Variants in KDM1A observed in about 807,000 individuals in gnomAD.
KDM1A encodes lysine-specific histone demethylase 1A.
In KDM1A, 49 loss-of-function variants were observed where a neutral mutation model predicts 109.4. The ratio of observed to expected loss-of-function variants is 0.45; its 90% CI spans 0.36 to 0.57. The LOEUF is 0.57. Among genes scored for constraint, KDM1A ranks in the 20% least tolerant of loss-of-function variants. The pLI is 0.00. For synonymous variants in KDM1A, 380 were observed against 415.4 expected, an observed-to-expected ratio of 0.91 and a Z score of 1.04; for missense variants, 668 against 1,116.6, an observed-to-expected ratio of 0.60 and a Z score of 5.73.
At chr1:23,071,380 TA>T in intron 13 of KDM1A, 21 bp downstream of exon 13, 1 of 1,569,644 alleles carries the variant, frequency 6.4e-7, no homozygotes, top group Non-Finnish European at 8.6e-7. Flanking sequence ...CATACATGCC[TA>T]ACTGGTTTTA....
intron 3 of KDM1A, among the ~76,000 whole-genome samples, chr1:23,045,726 T>A (rs760789985): frequency 3.3e-5 from 5 of 152,112 alleles, no homozygotes; most frequent in Non-Finnish European, 7.4e-5. Flanking sequence ...CAATATCATA[T>A]ATTGCTGAAA....
intron 2 of KDM1A, among the ~76,000 whole-genome samples, chr1:23,043,563 C>T (rs1389168850): frequency 6.6e-6 from 1 of 152,190 alleles, no homozygotes; most frequent in Non-Finnish European, 1.5e-5. Context: ...AAAGATCACA[C>T]TCATTTTCCT....
chr1:23,051,587 G>A (rs1642672086), intron 4 of KDM1A, among the ~76,000 whole-genome samples: 1 of 151,988 alleles, frequency 6.6e-6, no homozygotes, highest in African/African-American at 2.4e-5. Flanking sequence ...TTAGTCATTT[G>A]TATTTCTTCT....
chr1:23,054,417 A>G (rs969870385), intron 5 of KDM1A, among the ~76,000 whole-genome samples: 10 of 152,120 alleles, frequency 6.6e-5, no homozygotes, highest in Non-Finnish European at 1.5e-4. Context: ...AATTAAATCA[A>G]TACAATTCCA....
At chr1:23,043,741 A>G (rs1642421997) in intron 2 of KDM1A, among the ~76,000 whole-genome samples, 1 of 152,244 alleles carries the variant, frequency 6.6e-6, no homozygotes, top group Admixed American at 6.5e-5. Context: ...AAATTTCTTA[A>G]CAAAGCTTAT....
At chr1:23,035,911 AAAAT>A (rs1043384866) in intron 2 of KDM1A, among the ~76,000 whole-genome samples, 1 of 152,174 alleles carries the variant, frequency 6.6e-6, no homozygotes, top group Non-Finnish European at 1.5e-5. Flanking sequence ...TAAAAGAAAA[AAAAT>A]AAGTGGTACT....
chr1:23,041,953 CAG>C lies in KDM1A; in HGVS notation c.518-2473_518-2472del, dbSNP rs1347240279. On this transcript the variant is annotated intron_variant, in intron 2 of 20. Transcript: ENST00000400181. ...TGGTTAACCTATTGAGTACGCAAGT[CAG>C]GGGTAAGAAATCCATCTTTTTTTGT... 6.6e-5 allele frequency among the ~76,000 whole-genome samples: 10 copies of C among 152,166 alleles called. No homozygotes were observed. In the East Asian group the frequency reaches 1.9e-3, roughly 29 times the overall value.
intron 3 of KDM1A, among the ~76,000 whole-genome samples, chr1:23,047,892 G>A (rs1642546734): frequency 6.8e-6 from 1 of 147,750 alleles, no homozygotes. Context: ...GGGAGACCCT[G>A]TCCTTCCCCC....
chr1:23,054,272 A>G (rs931404294), intron 5 of KDM1A, among the ~76,000 whole-genome samples: 8 of 152,124 alleles, frequency 5.3e-5, no homozygotes, highest in Admixed American at 3.3e-4. Context: ...AAAAATTTTA[A>G]ATTAGACAGA....
chr1:23,020,970 G>A (rs1165320913), intron 1 of KDM1A, among the ~76,000 whole-genome samples: 1 of 152,078 alleles, frequency 6.6e-6, no homozygotes, highest in Non-Finnish European at 1.5e-5. Context: ...CGGTCTAGTT[G>A]GAAAAAACAA....
chr1:23,071,966 T>A, intron 13 of KDM1A, among the ~76,000 whole-genome samples, 158 bp from the exon 14 acceptor site: 1 of 151,976 alleles, frequency 6.6e-6, no homozygotes, highest in East Asian at 1.9e-4. Context: ...AAAACAAAAA[T>A]CTCTCAGCTC....
intron 1 of KDM1A, among the ~76,000 whole-genome samples, chr1:23,027,549 A>G (rs113574385): frequency 3.2e-4 from 37 of 117,264 alleles, no homozygotes; most frequent in African/African-American, 1.2e-3. Flanking sequence ...CAGCCTCCTT[A>G]GTAGCTGGAA....
At position 23,044,753 on chromosome 1, in the gene KDM1A, A is replaced by G. The variant is rs967298978; in HGVS notation, c.577+267A>G. Among the ~76,000 whole-genome samples, 4 of 152,152 alleles carry G rather than the reference A, an allele frequency of 2.6e-5. No individual in the cohort carries two copies. In the South Asian group the frequency reaches 6.2e-4, roughly 24 times the overall value. On this transcript the variant is annotated intron_variant, in intron 3 of 20. Transcript: ENST00000400181. ...TACTTTTCTCCCCAGCAGCCTTTCT[A>G]TTAATAGTAAACATGATATAGAACA...
In KDM1A at chr1:23,083,645, T is replaced by G. The variant is rs12137204; in HGVS notation, c.*281T>G. ...CTTAGTCCCTTGGTGTGTGGGGTTTTTGTTTTTTTTTTATATTTTGAGAAT... is the reference window on the plus strand; with the variant it reads ...CTTAGTCCCTTGGTGTGTGGGGTTTGTGTTTTTTTTTTATATTTTGAGAAT... On this transcript the variant is annotated 3_prime_UTR_variant, in exon 21 of 21. Coordinates refer to ENST00000400181, the MANE Select transcript of KDM1A (RefSeq NM_001009999.3). 117,365 of 189,492 alleles carry G rather than the reference T, an allele frequency of 0.62. 31,765 individuals carry two copies. The highest frequency in any genetic ancestry group is 0.65 in the Non-Finnish European group (64,982 of 99,828). 11.7% of individuals were successfully genotyped at this position (189,492 alleles called of 1,614,324 possible).
intron 5 of KDM1A, 146 bp downstream of exon 5, chr1:23,053,985 A>G (rs1474025631): frequency 1.6e-6 from 1 of 610,972 alleles, no homozygotes; most frequent in African/African-American, 1.9e-5. Flanking sequence ...AATAAGTCTT[A>G]TAGAAAACCT....
chr1:23,066,139 C>G (rs1298855292), intron 10 of KDM1A, 68 bp downstream of exon 10: 1 of 1,087,314 alleles, frequency 9.2e-7, no homozygotes, highest in East Asian at 2.4e-5. Flanking sequence ...AAGCTTGAAA[C>G]CTAAATCTTT....
chr1:23,041,473 T>C (rs1642332051), intron 2 of KDM1A, among the ~76,000 whole-genome samples: 1 of 139,536 alleles, frequency 7.2e-6, no homozygotes, highest in South Asian at 2.4e-4. Flanking sequence ...GACCGAGTCT[T>C]GCTGTGTTGC....
intron 9 of KDM1A, among the ~76,000 whole-genome samples, chr1:23,065,399 T>G (rs923859090): frequency 5.9e-5 from 9 of 152,230 alleles, no homozygotes; most frequent in Admixed American, 1.3e-4. Context: ...ACATTTTGGT[T>G]TTCTCCCAGT....
chr1:23,076,705 C>T (rs553486024), intron 15 of KDM1A, among the ~76,000 whole-genome samples: 1 of 152,254 alleles, frequency 6.6e-6, no homozygotes, highest in East Asian at 1.9e-4. Flanking sequence ...AGCGTGGTGG[C>T]TCATGCCTGT....
Sources: gnomAD v4.1 joint callset for allele counts (sites outside exome capture counted in the v4.1 genomes callset) on GRCh38, gnomAD v4.1.1 for gene constraint, MANE v1.5 for transcripts, NCBI Gene and HGNC (gene_info 2026-07-23, HGNC 2026-07-21) for gene names.